The following TCEANC2 variants were observed in gnomAD, a reference collection of about 807,000 sequenced individuals.
TCEANC2 encodes transcription elongation factor A N-terminal and central domain containing 2, also known as transcription elongation factor A N-terminal and central domain-containing protein 2.
In TCEANC2, 20 loss-of-function variants were observed where a neutral mutation model predicts 22.8. The observed-to-expected ratio is 0.88, with a 90% CI of 0.62 to 1.28. The LOEUF is 1.28. Ranked by LOEUF, TCEANC2 falls within the 50% of genes most tolerant of loss-of-function variation. The probability of loss-of-function intolerance (pLI) is 0.00; values close to 1 mark genes in which losing one functional copy is unlikely to be tolerated. For missense variants in TCEANC2, 251 were observed against 249.7 expected (o/e 1.01, Z -0.03); for synonymous variants, 84 against 95.5 (o/e 0.88, Z 0.70).
chr1:54,103,966 AG>A lies in TCEANC2; in HGVS notation c.*7494del, dbSNP rs1452967237. On this transcript the variant is annotated 3_prime_UTR_variant, in exon 5 of 5. Coordinates refer to ENST00000234827, the MANE Select transcript of TCEANC2 (RefSeq NM_153035.3). Reference sequence around the variant, plus strand: ...GATTCCACAGCAAAGGAGGTGCAGCAGTGGGCACATGGTGACAGGGTCCACT... The same window carrying A: ...GATTCCACAGCAAAGGAGGTGCAGCATGGGCACATGGTGACAGGGTCCACT... The A allele has an allele frequency of 6.6e-6, 1 of 152,322 alleles. No individual in the cohort carries two copies. The highest frequency in any genetic ancestry group is 6.5e-5 in the Admixed American group (1 of 15,304). The allele number at this position is 152,322 out of a possible 1,614,324, so 9.4% of individuals were successfully genotyped here. A position where few individuals can be genotyped will look rare whatever the true frequency, so the allele number is the denominator to read the frequency against.
chr1:54,054,674 A>G lies in TCEANC2; in HGVS notation c.102+150A>G, dbSNP rs1657711513. 6 of 760,672 alleles carry G rather than the reference A, an allele frequency of 7.9e-6. No homozygotes were observed. The Admixed American group carries it at 1.3e-4, about 16-fold the overall frequency. 47.1% of individuals were successfully genotyped at this position (760,672 alleles called of 1,614,324 possible). A position where few individuals can be genotyped will look rare whatever the true frequency, so the allele number is the denominator to read the frequency against. On this transcript the variant is annotated intron_variant, in intron 2 of 4. Transcript: ENST00000234827. ...ACCACTCCTCCTTTGTTTCGCCCAT[A>G]GCTGTACAGACTTACATTTATAAAT... is the stretch of plus-strand genomic sequence containing the variant.
At chr1:54,055,161 A>G (rs1657725670) in intron 2 of TCEANC2, among the ~76,000 whole-genome samples, 1 of 152,028 alleles carries the variant, frequency 6.6e-6, no homozygotes. Context: ...ATGGGGTTTC[A>G]CCATGTTGGC....
At chr1:54,064,692 CTTTTTTTTTT>C (rs67486092) in intron 2 of TCEANC2, among the ~76,000 whole-genome samples, 10 of 93,680 alleles carry the variant, frequency 1.1e-4, no homozygotes, top group Admixed American at 1.4e-4. Flanking sequence ...TGCATTTTTC[CTTTTTTTTTT>C]TTTTTTTTTT....
At chr1:54,077,717 A>T (rs960808029) in intron 3 of TCEANC2, among the ~76,000 whole-genome samples, 1 of 152,140 alleles carries the variant, frequency 6.6e-6, no homozygotes, top group Non-Finnish European at 1.5e-5. Flanking sequence ...CATTAGTGGC[A>T]TACAGCAGGA....
In TCEANC2 at chr1:54,100,500, T is replaced by G. The variant is rs1658644480; in HGVS notation, c.*4027T>G. On this transcript the variant is annotated 3_prime_UTR_variant, in exon 5 of 5. Transcript: ENST00000234827. ...GGTGATAACTATAGACATGAAAATATTGAGAAGATGGGGAAAGGAATGAAT... is the reference window on the plus strand; with the variant it reads ...GGTGATAACTATAGACATGAAAATAGTGAGAAGATGGGGAAAGGAATGAAT... The G allele has an allele frequency of 6.6e-6, 1 of 152,122 alleles. No individual in the cohort carries two copies. Among genetic ancestry groups the G allele is most frequent in the Non-Finnish European group, 1.5e-5 (1 of 68,022 alleles). 9.4% of individuals were successfully genotyped at this position (152,122 alleles called of 1,614,324 possible). A position where few individuals can be genotyped will look rare whatever the true frequency, so the allele number is the denominator to read the frequency against.
chr1:54,094,466 T>G (rs966897932), intron 4 of TCEANC2, among the ~76,000 whole-genome samples: 4 of 152,206 alleles, frequency 2.6e-5, no homozygotes, highest in African/African-American at 9.7e-5. Context: ...CAGATCCTAC[T>G]CATGCTCCAG....
At chr1:54,070,003 TC>T (rs1400284347) in intron 3 of TCEANC2, among the ~76,000 whole-genome samples, 3 of 152,162 alleles carry the variant, frequency 2.0e-5, no homozygotes, top group Admixed American at 6.5e-5. Flanking sequence ...TTGGTCTGCC[TC>T]CCCTTGACCT....
chr1:54,087,214 A>G (rs1365632844), intron 3 of TCEANC2, among the ~76,000 whole-genome samples: 1 of 152,184 alleles, frequency 6.6e-6, no homozygotes, highest in Non-Finnish European at 1.5e-5. Flanking sequence ...TTAAGTGTTC[A>G]GTTGACTTCT....
At chr1:54,054,175 A>T in intron 1 of TCEANC2, 1 of 1,303,282 alleles carries the variant, frequency 7.7e-7, no homozygotes, top group East Asian at 2.7e-5. Flanking sequence ...GGAACCTCCT[A>T]ACTCAGGACG....
intron 3 of TCEANC2, among the ~76,000 whole-genome samples, chr1:54,087,539 G>A (rs1553170271): frequency 6.6e-6 from 1 of 152,188 alleles, no homozygotes; most frequent in Non-Finnish European, 1.5e-5. Flanking sequence ...TGTAATCACA[G>A]TGCCATTCTT....
At chr1:54,066,807 A>T (rs1657966707) in intron 2 of TCEANC2, among the ~76,000 whole-genome samples, 2 of 152,200 alleles carry the variant, frequency 1.3e-5, no homozygotes, top group African/African-American at 2.4e-5. Flanking sequence ...CACTAATATC[A>T]TTTTATATTG....
In TCEANC2 at chr1:54,094,165, C is replaced by G. The variant is rs150053172; in HGVS notation, c.439-2120C>G. Among the ~76,000 whole-genome samples the G allele has an allele frequency of 2.0e-3, 307 of 152,334 alleles. 4 individuals carry two copies. The highest frequency in any genetic ancestry group is 6.9e-3 in the African/African-American group (288 of 41,562). ...TTGTGAGCACCTTTTGTCGGCTAGA[C>G]TAAGGCAGATATCTGGGCCTGGATA... On this transcript the variant is annotated intron_variant, in intron 4 of 4. Coordinates refer to ENST00000234827, the MANE Select transcript of TCEANC2 (RefSeq NM_153035.3).
At chr1:54,107,804 A>G (rs556283154), downstream of TCEANC2, among the ~76,000 whole-genome samples, 1 of 152,200 alleles carries the variant, frequency 6.6e-6, no homozygotes, top group Non-Finnish European at 1.5e-5. Flanking sequence ...ACAGCTTTTC[A>G]TGTCTGCCTT....
chr1:54,061,739 T>A (rs1657860887), intron 2 of TCEANC2, among the ~76,000 whole-genome samples: 1 of 148,950 alleles, frequency 6.7e-6, no homozygotes, highest in Non-Finnish European at 1.5e-5. Context: ...CCCCTATAGA[T>A]AGGGTGAGCT....
rs1019047586 is a variant in TCEANC2 at position 54,102,929 on chromosome 1, G to A, written c.*6456G>A. 2 of 152,380 alleles carry A rather than the reference G, an allele frequency of 1.3e-5. No homozygotes were observed. The highest frequency in any genetic ancestry group is 6.5e-5 in the Admixed American group (1 of 15,286). The allele number at this position is 152,380 out of a possible 1,614,324, so 9.4% of individuals were successfully genotyped here. A position where few individuals can be genotyped will look rare whatever the true frequency, so the allele number is the denominator to read the frequency against. Reference sequence around the variant, plus strand: ...GTATGTGGAAAGAGAAGGAGCCTGAGCTTAGACTATACATGGATCTCATGG... The same window carrying A: ...GTATGTGGAAAGAGAAGGAGCCTGAACTTAGACTATACATGGATCTCATGG... On this transcript the variant is annotated 3_prime_UTR_variant, in exon 5 of 5. Coordinates refer to ENST00000234827, the MANE Select transcript of TCEANC2 (RefSeq NM_153035.3).
chr1:54,063,047 A>G (rs1657887753), intron 2 of TCEANC2, among the ~76,000 whole-genome samples: 1 of 152,228 alleles, frequency 6.6e-6, no homozygotes, highest in African/African-American at 2.4e-5. Context: ...GAGAGAGGAA[A>G]GCAAAATCAG....
At chr1:54,074,234 C>T (rs889423931) in intron 3 of TCEANC2, among the ~76,000 whole-genome samples, 6 of 150,410 alleles carry the variant, frequency 4.0e-5, no homozygotes, top group Non-Finnish European at 7.4e-5. Context: ...GAGGCCGAGG[C>T]GGGTGGATCA....
In TCEANC2 at chr1:54,097,005, T is replaced by C; in HGVS notation, c.*532T>C. On this transcript the variant is annotated 3_prime_UTR_variant, in exon 5 of 5. Transcript: ENST00000234827. ...CTACCCCTTCTTCCCAGAGCTCACT[T>C]ATCTGAACGTTTCAGCTCTCCCTGG... 12 of 985,486 alleles carry C rather than the reference T, an allele frequency of 1.2e-5. No individual in the cohort carries two copies. Among genetic ancestry groups the C allele is most frequent in the Non-Finnish European group, 1.3e-5 (11 of 829,618 alleles). 61.0% of individuals were successfully genotyped at this position (985,486 alleles called of 1,614,324 possible).
intron 2 of TCEANC2, among the ~76,000 whole-genome samples, chr1:54,066,068 A>G (rs1657949306): frequency 1.3e-5 from 2 of 151,948 alleles, no homozygotes; most frequent in Non-Finnish European, 2.9e-5. Flanking sequence ...GGGCGACAGA[A>G]CAAGACTTCT....
Sources: gnomAD v4.1 joint callset for allele counts (sites outside exome capture counted in the v4.1 genomes callset) on GRCh38, gnomAD v4.1.1 for gene constraint, MANE v1.5 for transcripts, NCBI Gene and HGNC (gene_info 2026-07-23, HGNC 2026-07-21) for gene names.